The following DNAJC15 variants were observed in gnomAD, a reference collection of about 807,000 sequenced individuals.
DNAJC15 encodes dnaJ homolog subfamily C member 15.
In DNAJC15, 27 loss-of-function variants were observed where a neutral mutation model predicts 22.4. The ratio of observed to expected loss-of-function variants is 1.20; its 90% CI spans 0.89 to 1.66. DNAJC15 has a LOEUF of 1.66. Among genes scored for constraint, DNAJC15 ranks in the 40% most tolerant of loss-of-function variants. The pLI is 0.00. For missense variants in DNAJC15, 208 were observed against 187.1 expected (o/e 1.11, Z -0.65); for synonymous variants, 79 against 63.2 (o/e 1.25, Z -1.19).
intron 4 of DNAJC15, 59 bp downstream of exon 4, chr13:43,078,747 G>A: frequency 6.6e-7 from 1 of 1,507,056 alleles, no homozygotes. Context: ...TTAAAAAAGA[G>A]AAAACGTTAC....
intron 1 of DNAJC15, among the ~76,000 whole-genome samples, chr13:43,043,464 A>T (rs1219233909): frequency 1.3e-5 from 2 of 152,230 alleles, no homozygotes; most frequent in Non-Finnish European, 2.9e-5. Context: ...TGTTATTTTG[A>T]GTAAATGCAA....
At chr13:43,077,125 C>T (rs966739782) in intron 3 of DNAJC15, among the ~76,000 whole-genome samples, 3 of 152,206 alleles carry the variant, frequency 2.0e-5, no homozygotes, top group African/African-American at 7.2e-5. Flanking sequence ...TTAAGTCAGA[C>T]ATTCTCCACT....
At chr13:43,048,808 C>T (rs1230487989) in intron 1 of DNAJC15, among the ~76,000 whole-genome samples, 2 of 152,062 alleles carry the variant, frequency 1.3e-5, no homozygotes, top group Non-Finnish European at 2.9e-5. Context: ...GTATGTGGTA[C>T]CCTAATTTTG....
At chr13:43,096,759 G>A (rs1052426133) in intron 5 of DNAJC15, among the ~76,000 whole-genome samples, 2 of 152,172 alleles carry the variant, frequency 1.3e-5, no homozygotes, top group African/African-American at 4.8e-5. Context: ...GTTGGCCTTT[G>A]TCATTTGTTT....
At chr13:43,088,054 A>G (rs923430871) in intron 5 of DNAJC15, among the ~76,000 whole-genome samples, 1 of 152,210 alleles carries the variant, frequency 6.6e-6, no homozygotes, top group Non-Finnish European at 1.5e-5. Context: ...ACAGTAATGC[A>G]TAGTGAATAT....
chr13:43,102,416 A>G (rs752356030), intron 5 of DNAJC15, among the ~76,000 whole-genome samples: 23 of 152,114 alleles, frequency 1.5e-4, no homozygotes, highest in Non-Finnish European at 2.8e-4. Context: ...TTTGCTATGC[A>G]GAAGCTTGAC....
At chr13:43,051,278 A>G (rs536189079) in intron 1 of DNAJC15, among the ~76,000 whole-genome samples, 53 of 152,156 alleles carry the variant, frequency 3.5e-4, no homozygotes, top group African/African-American at 1.3e-3. Flanking sequence ...GTGCCCAGCT[A>G]TTTTATTTTT....
intron 1 of DNAJC15, among the ~76,000 whole-genome samples, chr13:43,056,564 C>CATA (rs1308003255): frequency 6.6e-6 from 1 of 152,110 alleles, no homozygotes; most frequent in Non-Finnish European, 1.5e-5. Context: ...TAGTTTAAGT[C>CATA]CACTGTTTCT....
intron 1 of DNAJC15, among the ~76,000 whole-genome samples, chr13:43,055,413 C>T (rs1002841961): frequency 5.3e-5 from 8 of 152,156 alleles, no homozygotes; most frequent in African/African-American, 1.9e-4. Context: ...AAGCAACTCA[C>T]TCGGGACCCA....
chr13:43,097,811 C>T (rs2040748262), intron 5 of DNAJC15, among the ~76,000 whole-genome samples: 1 of 152,120 alleles, frequency 6.6e-6, no homozygotes, highest in Admixed American at 6.5e-5. Context: ...GTGGCACATG[C>T]CTGTAATCCC....
rs116395845 is a variant in DNAJC15 at position 43,023,621 on chromosome 13, C to A, written c.-6C>A. On this transcript the variant is annotated 5_prime_UTR_variant, in exon 1 of 6. Transcript: ENST00000379221. ...GCGGCGCCTTGAGTCTCCGGGCCGC[C>A]TTGCCATGGCTGCCCGTGGTGTCAT... 1 of 1,608,052 alleles carries A rather than the reference C, an allele frequency of 6.2e-7. No homozygotes were observed. The highest frequency in any genetic ancestry group is 8.5e-7 in the Non-Finnish European group (1 of 1,177,430).
intron 1 of DNAJC15, among the ~76,000 whole-genome samples, chr13:43,026,844 G>T (rs1359292456): frequency 2.0e-5 from 3 of 151,948 alleles, no homozygotes; most frequent in Non-Finnish European, 2.9e-5. Flanking sequence ...GACCCAGGGT[G>T]GGCAACATAG....
chr13:43,052,963 G>T (rs79538654), intron 1 of DNAJC15, among the ~76,000 whole-genome samples: 2,894 of 152,204 alleles, frequency 0.019, 72 homozygotes, highest in South Asian at 0.11. Flanking sequence ...TCAGGAGCAG[G>T]TTATTTAATG....
chr13:43,106,341 T>C (rs1236471196), intron 5 of DNAJC15, among the ~76,000 whole-genome samples: 3 of 152,186 alleles, frequency 2.0e-5, no homozygotes, highest in Non-Finnish European at 4.4e-5. Context: ...TTAGAAGGTA[T>C]ATGATGTTTA....
chr13:43,109,223 A>T lies in DNAJC15; in HGVS notation c.*1975A>T, dbSNP rs545793000. The T allele has an allele frequency of 1.3e-5, 2 of 152,328 alleles. No homozygotes were observed. The highest frequency in any genetic ancestry group is 4.8e-5 in the African/African-American group (2 of 41,562). The allele number at this position is 152,328 out of a possible 1,614,324, so 9.4% of individuals were successfully genotyped here. Reference sequence around the variant, plus strand: ...CATGGTACATAACTATAGGGGCTATAGCTTGGTACCTTGTGAAGCAACTCT... The same window carrying T: ...CATGGTACATAACTATAGGGGCTATTGCTTGGTACCTTGTGAAGCAACTCT... On this transcript the variant is annotated 3_prime_UTR_variant, in exon 6 of 6. Coordinates refer to ENST00000379221, the MANE Select transcript of DNAJC15 (RefSeq NM_013238.3).
In DNAJC15 at chr13:43,065,643, C is replaced by A. The variant is rs17064111; in HGVS notation, c.109-43C>A. 7.9e-3 allele frequency: 11,687 copies of A among 1,487,438 alleles called. 500 individuals are homozygous for A. In the East Asian group the frequency reaches 0.12, roughly 16 times the overall value. 92.1% of individuals were successfully genotyped at this position (1,487,438 alleles called of 1,614,324 possible). On this transcript the variant is annotated intron_variant, in intron 1 of 5. Transcript: ENST00000379221. ...TTAAAAATGATTTACTTTTAAAACC[C>A]AGCATGTTACATCATAAGTAATATT...
intron 4 of DNAJC15, among the ~76,000 whole-genome samples, chr13:43,079,800 CTG>C (rs1362486916): frequency 4.6e-5 from 7 of 152,108 alleles, no homozygotes; most frequent in African/African-American, 1.7e-4. Flanking sequence ...CAGGAGTTGA[CTG>C]TATTTTTACA....
chr13:43,112,173 A>T lies in DNAJC15; in HGVS notation c.*4925A>T, dbSNP rs188421389. ...ATTGTTGCTGAGCAAAAGAATTTAT[A>T]AAAAGCTCTTTCTTTTGTATTAAAA... is the stretch of plus-strand genomic sequence containing the variant. On this transcript the variant is annotated 3_prime_UTR_variant, in exon 6 of 6. Transcript: ENST00000379221. The T allele has an allele frequency of 1.4e-4, 22 of 152,354 alleles. No individual in the cohort carries two copies. The East Asian group carries it at 2.3e-3, about 16-fold the overall frequency. 9.4% of individuals were successfully genotyped at this position (152,354 alleles called of 1,614,324 possible).
chr13:43,091,370 G>C (rs1174329058), intron 5 of DNAJC15, among the ~76,000 whole-genome samples: 1 of 152,236 alleles, frequency 6.6e-6, no homozygotes, highest in African/African-American at 2.4e-5. Flanking sequence ...TTACAGGCGT[G>C]AGCCACTGCG....
Sources: gnomAD v4.1 joint callset for allele counts (sites outside exome capture counted in the v4.1 genomes callset) on GRCh38, gnomAD v4.1.1 for gene constraint, MANE v1.5 for transcripts, NCBI Gene and HGNC (gene_info 2026-07-23, HGNC 2026-07-21) for gene names.